Variants in SCOC observed in about 807,000 individuals in gnomAD.
SCOC encodes the protein short coiled-coil protein.
In SCOC, 7 loss-of-function variants were observed where a neutral mutation model predicts 9.9. The observed-to-expected ratio is 0.71, with a 90% CI of 0.40 to 1.33. The LOEUF (loss-of-function observed/expected upper bound fraction) is 1.33, where lower values mean the gene tolerates loss of function less well. Ranked by LOEUF, SCOC falls within the 40% of genes most tolerant of loss-of-function variation. SCOC has a pLI of 0.01. For synonymous variants in SCOC, 19 were observed against 28.2 expected, an observed-to-expected ratio of 0.67 and a Z score of 1.03; for missense variants, 66 against 89.7, an observed-to-expected ratio of 0.74 and a Z score of 1.07.
chr4:140,366,147 T>C lies in SCOC; in HGVS notation c.71-12974T>C. On this transcript the variant is annotated intron_variant, in intron 2 of 4. Transcript: ENST00000338517. The stretch of plus-strand genomic sequence containing the variant: ...ATGAGCAGCCTAGCATTTTAGAGCC[T>C]TGCTTGCAATCTTGGGTGCCTCCTT... The C allele has an allele frequency of 6.2e-6, 3 of 482,102 alleles. No individual in the cohort carries two copies. The East Asian group carries it at 1.0e-4, about 17-fold the overall frequency. 29.9% of individuals were successfully genotyped at this position (482,102 alleles called of 1,614,324 possible).
intron 1 of SCOC, among the ~76,000 whole-genome samples, chr4:140,290,554 T>C (rs1276212196): frequency 6.6e-6 from 1 of 152,264 alleles, no homozygotes; most frequent in Non-Finnish European, 1.5e-5. Flanking sequence ...GGCTCATGCC[T>C]GTATTCCCAG....
intron 1 of SCOC, among the ~76,000 whole-genome samples, chr4:140,330,832 T>C (rs1732796719): frequency 6.6e-6 from 1 of 152,142 alleles, no homozygotes; most frequent in Admixed American, 6.6e-5. Flanking sequence ...AGTTAGAGAG[T>C]TGAGTGCTGG....
At chr4:140,373,587 C>T (rs971027348), upstream of SCOC, 34 of 1,551,472 alleles carry the variant, frequency 2.2e-5, no homozygotes, top group Admixed American at 3.9e-5. Context: ...GCGGCTGGGA[C>T]GGGATGGGAT....
chr4:140,304,774 C>T (rs777329312), intron 1 of SCOC, among the ~76,000 whole-genome samples: 3 of 152,216 alleles, frequency 2.0e-5, no homozygotes, highest in Non-Finnish European at 2.9e-5. Context: ...TGACTAGAAA[C>T]TGATTTGTCC....
intron 2 of SCOC, among the ~76,000 whole-genome samples, chr4:140,353,923 CAT>C (rs141038971): frequency 0.021 from 3,265 of 152,334 alleles, 103 homozygotes; most frequent in African/African-American, 0.068. Context: ...TCTCCATACA[CAT>C]GTTTCATTGT....
In SCOC at chr4:140,383,485, G is replaced by A. The variant is rs955522076; in HGVS notation, c.*2381G>A. 6.6e-6 allele frequency: 1 copy of A among 152,206 alleles called. No individual in the cohort carries two copies. The highest frequency in any genetic ancestry group is 1.5e-5 in the Non-Finnish European group (1 of 68,050). 9.4% of individuals were successfully genotyped at this position (152,206 alleles called of 1,614,324 possible). A position where few individuals can be genotyped will look rare whatever the true frequency, so the allele number is the denominator to read the frequency against. ...GAATAAAGGGAAACGTAAAAATTGTGGAATGCTCCTGGGAGATGTATGAAG... is the reference window on the plus strand; with the variant it reads ...GAATAAAGGGAAACGTAAAAATTGTAGAATGCTCCTGGGAGATGTATGAAG... On this transcript the variant is annotated 3_prime_UTR_variant, in exon 4 of 4. Coordinates refer to ENST00000608372, the MANE Select transcript of SCOC (RefSeq NM_001153484.2).
chr4:140,332,079 T>C (rs1281920672), intron 1 of SCOC, among the ~76,000 whole-genome samples: 1 of 152,082 alleles, frequency 6.6e-6, no homozygotes, highest in African/African-American at 2.4e-5. Context: ...TCTTATCATG[T>C]GAACAGCACT....
At chr4:140,266,403 AGGC>A (rs1381585910) in intron 1 of SCOC, among the ~76,000 whole-genome samples, 1 of 152,158 alleles carries the variant, frequency 6.6e-6, no homozygotes, top group Non-Finnish European at 1.5e-5. Context: ...GTTCTGGTGA[AGGC>A]CCTTTTCTGT....
chr4:140,315,003 T>C (rs1443916056), intron 1 of SCOC, among the ~76,000 whole-genome samples: 1 of 152,192 alleles, frequency 6.6e-6, no homozygotes, highest in Non-Finnish European at 1.5e-5. Flanking sequence ...GAATCTAACA[T>C]TGGGTCACAG....
At chr4:140,367,634 T>C (rs1727860359) in intron 2 of SCOC, among the ~76,000 whole-genome samples, 1 of 152,174 alleles carries the variant, frequency 6.6e-6, no homozygotes, top group African/African-American at 2.4e-5. Context: ...TGCCTCAGCC[T>C]CCCAAAGTTC....
chr4:140,273,120 C>G (rs1730886329), intron 1 of SCOC, among the ~76,000 whole-genome samples: 1 of 152,160 alleles, frequency 6.6e-6, no homozygotes, highest in African/African-American at 2.4e-5. Flanking sequence ...CAGGAATGCC[C>G]TGGCATCCCC....
rs935042427 is a variant in SCOC at position 140,301,116 on chromosome 4, A to G, written c.-18-42505A>G. ...GGTCACCCAAGAATGGGAGTGGTGG[A>G]TGGAGAGTGATAGAAAGCTAACCTA... On this transcript the variant is annotated intron_variant, in intron 1 of 4. Coordinates refer to the SCOC transcript ENST00000394205. Among the ~76,000 whole-genome samples, 15 of 152,194 alleles carry G rather than the reference A, an allele frequency of 9.9e-5. 1 individual carries two copies. Among genetic ancestry groups the G allele is most frequent in the Non-Finnish European group, 1.8e-4 (12 of 68,038 alleles).
intron 1 of SCOC, among the ~76,000 whole-genome samples, chr4:140,337,011 T>C (rs1239510466): frequency 6.6e-6 from 1 of 152,246 alleles, no homozygotes; most frequent in Non-Finnish European, 1.5e-5. Flanking sequence ...TATCCTTTCA[T>C]GTGCTTATTG....
In SCOC at chr4:140,381,107, G is replaced by T; in HGVS notation, c.*3G>T. ...ACACAAAAAGCAAAAGAAAGTAAGG[G>T]ATTGACACCCTTCTGTTTTATGGAA... On this transcript the variant is annotated 3_prime_UTR_variant, in exon 4 of 4. Transcript: ENST00000608372. The T allele has an allele frequency of 6.3e-7, 1 of 1,586,102 alleles. No homozygotes were observed. The highest frequency in any genetic ancestry group is 8.5e-7 in the Non-Finnish European group (1 of 1,172,576).
At chr4:140,348,581 C>T (rs1340430397) in intron 2 of SCOC, among the ~76,000 whole-genome samples, 1 of 151,848 alleles carries the variant, frequency 6.6e-6, no homozygotes, top group African/African-American at 2.4e-5. Context: ...TATATACGCA[C>T]ACACACACAC....
intron 2 of SCOC, among the ~76,000 whole-genome samples, chr4:140,351,827 T>C (rs1033114861): frequency 6.6e-6 from 1 of 152,126 alleles, no homozygotes; most frequent in African/African-American, 2.4e-5. Flanking sequence ...TAATATGGGC[T>C]AAAGAAGGAA....
chr4:140,371,451 T>A (rs983737641), upstream of SCOC, among the ~76,000 whole-genome samples: 4 of 152,216 alleles, frequency 2.6e-5, no homozygotes, highest in East Asian at 3.8e-4. Flanking sequence ...TGTCGTGGTA[T>A]CAGGATTGAA....
chr4:140,323,744 A>T (rs1459126360), intron 1 of SCOC, among the ~76,000 whole-genome samples: 3 of 152,190 alleles, frequency 2.0e-5, no homozygotes, highest in African/African-American at 7.2e-5. Flanking sequence ...TAGTTTTGAA[A>T]CTTCTAAAAA....
intron 1 of SCOC, among the ~76,000 whole-genome samples, chr4:140,319,282 G>A (rs184030948): frequency 6.6e-6 from 1 of 151,960 alleles, no homozygotes; most frequent in Non-Finnish European, 1.5e-5. Context: ...GTAGAGATGG[G>A]GTTTCTCCAT....
Sources: allele counts gnomAD v4.1 joint callset (sites outside exome capture counted in the v4.1 genomes callset), GRCh38; gene constraint gnomAD v4.1.1; transcripts MANE v1.5; gene names NCBI Gene and HGNC (gene_info 2026-07-23, HGNC 2026-07-21).